Variants in ULK4 observed in about 807,000 individuals in gnomAD.
The protein encoded by ULK4 is unc-51 like kinase 4, also known as inactive serine/threonine-protein kinase ULK4.
ULK4 carries 133 observed loss-of-function variants against 160.6 expected under a neutral mutation model. The observed-to-expected ratio is 0.83, with a 90% CI of 0.72 to 0.96. ULK4 has a LOEUF of 0.96. Ranked by LOEUF, ULK4 falls within the 40% of genes least tolerant of loss-of-function variation. The pLI is 0.00. For missense variants in ULK4, 1,580 were observed against 1,499.5 expected (o/e 1.05, Z -0.89); for synonymous variants, 534 against 539.8 (o/e 0.99, Z 0.15).
intron 34 of ULK4, among the ~76,000 whole-genome samples, chr3:41,419,660 G>A (rs1320081597): frequency 6.6e-6 from 1 of 152,114 alleles, no homozygotes; most frequent in East Asian, 1.9e-4. Context: ...GCTTTACTCT[G>A]GGGTACTATC....
At chr3:41,410,920 C>T (rs551424527) in intron 34 of ULK4, among the ~76,000 whole-genome samples, 1 of 151,750 alleles carries the variant, frequency 6.6e-6, no homozygotes, top group Admixed American at 6.6e-5. Flanking sequence ...GGATTGAGGA[C>T]CCACCATATT....
chr3:41,818,751 G>A (rs2041048496), intron 19 of ULK4, among the ~76,000 whole-genome samples: 1 of 152,180 alleles, frequency 6.6e-6, no homozygotes, highest in South Asian at 2.1e-4. Flanking sequence ...CTGAAGGAAT[G>A]TTTTCACCCT....
intron 17 of ULK4, among the ~76,000 whole-genome samples, chr3:41,850,659 G>GTTTA (rs146470299): frequency 6.6e-6 from 1 of 151,780 alleles, no homozygotes; most frequent in Non-Finnish European, 1.5e-5. Context: ...TGATGGGGTT[G>GTTTA]TTTTTTTCTT....
chr3:41,460,476 T>G (rs1279372294), intron 33 of ULK4, among the ~76,000 whole-genome samples: 2 of 152,176 alleles, frequency 1.3e-5, no homozygotes, highest in African/African-American at 4.8e-5. Context: ...ATGTTGACAG[T>G]CTTCCCTATT....
At position 41,796,495 on chromosome 3, in the gene ULK4, G is replaced by T. The variant is rs553146847; in HGVS notation, c.2010+3637C>A. Among the ~76,000 whole-genome samples, 3 of 152,228 alleles carry T rather than the reference G, an allele frequency of 2.0e-5. No individual in the cohort carries two copies. The South Asian group carries it at 6.2e-4, about 32-fold the overall frequency. On this transcript the variant is annotated intron_variant, in intron 20 of 36. Coordinates refer to ENST00000301831, the MANE Select transcript of ULK4 (RefSeq NM_017886.4). The stretch of plus-strand genomic sequence containing the variant: ...TAATCCCAGCTATTCGGGAAGCTGA[G>T]TCAGGAGAATCACTTGAACCCAGGA...
chr3:41,729,642 GAC>G (rs1332730865), intron 22 of ULK4, among the ~76,000 whole-genome samples: 1 of 152,196 alleles, frequency 6.6e-6, no homozygotes, highest in Non-Finnish European at 1.5e-5. Context: ...TGGCATGAGA[GAC>G]AGCTTGTTAC....
At chr3:41,445,897 T>C (rs945221608) in intron 34 of ULK4, among the ~76,000 whole-genome samples, 5 of 151,906 alleles carry the variant, frequency 3.3e-5, no homozygotes, top group Admixed American at 3.3e-4. Flanking sequence ...ACTAAAGAGC[T>C]TCTGCACAGC....
intron 32 of ULK4, among the ~76,000 whole-genome samples, chr3:41,515,050 T>C (rs1209250560): frequency 6.7e-6 from 1 of 150,048 alleles, no homozygotes; most frequent in African/African-American, 2.5e-5. Flanking sequence ...AGGTCAGGAG[T>C]TTTTGTCACC....
intron 32 of ULK4, among the ~76,000 whole-genome samples, chr3:41,506,484 T>C (rs1406788555): frequency 6.6e-6 from 1 of 152,106 alleles, no homozygotes; most frequent in Non-Finnish European, 1.5e-5. Flanking sequence ...AGCCACACAG[T>C]AGAAGCTGTG....
intron 19 of ULK4, among the ~76,000 whole-genome samples, chr3:41,815,317 A>G (rs1351196294): frequency 2.0e-5 from 3 of 152,016 alleles, no homozygotes; most frequent in Non-Finnish European, 4.4e-5. Flanking sequence ...TATTTGTTCC[A>G]TCTGTTTTGT....
intron 31 of ULK4, among the ~76,000 whole-genome samples, chr3:41,567,411 A>G (rs2087818104): frequency 6.6e-6 from 1 of 151,300 alleles, no homozygotes; most frequent in Non-Finnish European, 1.5e-5. Flanking sequence ...GGTGCTCAGG[A>G]TAAGACTCAT....
chr3:41,308,987 G>A (rs2079998666), intron 35 of ULK4, among the ~76,000 whole-genome samples: 1 of 152,118 alleles, frequency 6.6e-6, no homozygotes, highest in Non-Finnish European at 1.5e-5. Flanking sequence ...CAGCTTTATT[G>A]CTTTCATAAC....
chr3:41,614,984 A>G (rs2032889282), intron 31 of ULK4, among the ~76,000 whole-genome samples: 1 of 152,178 alleles, frequency 6.6e-6, no homozygotes, highest in Non-Finnish European at 1.5e-5. Context: ...CCCAGGCACA[A>G]GAGAACCTTT....
At position 41,958,477 on chromosome 3, in the gene ULK4, G is replaced by A. The variant is rs942023805; in HGVS notation, c.-49+3539C>T. ...AGCACTTTGGGAGGTCGAGTCGGAC[G>A]GATCGCCTGAGGTCACAAGTTCAGG... On this transcript the variant is annotated intron_variant, in intron 1 of 36. Coordinates refer to ENST00000301831, the MANE Select transcript of ULK4 (RefSeq NM_017886.4). Among the ~76,000 whole-genome samples the A allele has an allele frequency of 6.6e-5, 10 of 151,802 alleles. No individual in the cohort carries two copies. The Middle Eastern group carries it at 0.01, about 155-fold the overall frequency.
chr3:41,802,142 C>T (rs2040481335), intron 19 of ULK4, among the ~76,000 whole-genome samples: 2 of 151,268 alleles, frequency 1.3e-5, no homozygotes, highest in African/African-American at 4.9e-5. Context: ...AACTGCACTA[C>T]AAAAATATTA....
intron 35 of ULK4, among the ~76,000 whole-genome samples, chr3:41,264,639 A>AG (rs1156944563): frequency 2.0e-5 from 3 of 152,256 alleles, no homozygotes; most frequent in Non-Finnish European, 4.4e-5. Context: ...TCTTCAAAGA[A>AG]GGGGAAAAAA....
At chr3:41,709,124 G>C (rs1202597611) in intron 25 of ULK4, among the ~76,000 whole-genome samples, 2 of 152,036 alleles carry the variant, frequency 1.3e-5, no homozygotes, top group Admixed American at 6.5e-5. Context: ...TCCTAGTGTA[G>C]AGTTACAGAT....
intron 29 of ULK4, among the ~76,000 whole-genome samples, chr3:41,669,995 G>C (rs561017583): frequency 6.6e-6 from 1 of 152,312 alleles, no homozygotes; most frequent in Non-Finnish European, 1.5e-5. Flanking sequence ...CAAAACCTGA[G>C]AGTCTTGAAT....
At chr3:41,643,781 G>T (rs556741776) in intron 30 of ULK4, among the ~76,000 whole-genome samples, 1 of 152,248 alleles carries the variant, frequency 6.6e-6, no homozygotes, top group Admixed American at 6.5e-5. Context: ...ATTACCTTGG[G>T]CAGTATGGCC....
Sources: allele counts gnomAD v4.1 joint callset (sites outside exome capture counted in the v4.1 genomes callset), GRCh38; gene constraint gnomAD v4.1.1; transcripts MANE v1.5; gene names NCBI Gene and HGNC (gene_info 2026-07-23, HGNC 2026-07-21).